LPP: variants seen among roughly 807,000 people sequenced by gnomAD.
LPP encodes the protein LIM domain containing preferred translocation partner in lipoma.
A neutral mutation model predicts 60.4 loss-of-function variants in LPP; 38 were observed. The ratio of observed to expected loss-of-function variants is 0.63; its 90% confidence interval spans 0.49 to 0.83. The LOEUF (loss-of-function observed/expected upper bound fraction) is 0.83, where lower values mean the gene tolerates loss of function less well. LPP is among the 40% of genes least tolerant of loss of function. LPP has a pLI of 0.00. For missense variants in LPP, 902 were observed against 783.6 expected (o/e 1.15, Z -1.80); for synonymous variants, 328 against 290.8 (o/e 1.13, Z -1.30).
chr3:188,345,798 T>C (rs1045722769), intron 3 of LPP, among the ~76,000 whole-genome samples: 2 of 152,160 alleles, frequency 1.3e-5, no homozygotes, highest in Admixed American at 1.3e-4. Context: ...ACCCATCCGA[T>C]AGAAGGTGCT....
At chr3:188,457,815 A>C (rs893084199) in intron 4 of LPP, among the ~76,000 whole-genome samples, 1 of 151,294 alleles carries the variant, frequency 6.6e-6, no homozygotes, top group East Asian at 1.9e-4. Context: ...AGGCTGAGGC[A>C]GGAGAATCGC....
At chr3:188,306,969 C>T (rs1005502325) in intron 2 of LPP, among the ~76,000 whole-genome samples, 2 of 152,146 alleles carry the variant, frequency 1.3e-5, no homozygotes, top group African/African-American at 4.8e-5. Context: ...AAACAGAACC[C>T]GTCTAAGGAC....
chr3:188,447,150 G>A (rs1357435073), intron 4 of LPP, among the ~76,000 whole-genome samples: 1 of 152,140 alleles, frequency 6.6e-6, no homozygotes, highest in Non-Finnish European at 1.5e-5. Context: ...TTTACCTGGA[G>A]GGAGTTTTAT....
At chr3:188,567,015 A>G (rs1420194031) in intron 6 of LPP, among the ~76,000 whole-genome samples, 1 of 151,932 alleles carries the variant, frequency 6.6e-6, no homozygotes, top group Non-Finnish European at 1.5e-5. Flanking sequence ...AAAAACTTGA[A>G]GAGTTTAAAA....
chr3:188,808,422 A>G (rs1483045370), intron 9 of LPP, among the ~76,000 whole-genome samples: 2 of 152,068 alleles, frequency 1.3e-5, no homozygotes, highest in African/African-American at 2.4e-5. Context: ...TGTTTCAGTG[A>G]TCCTGCCTCT....
chr3:188,263,727 A>G (rs1157565055), intron 2 of LPP, among the ~76,000 whole-genome samples: 2 of 152,236 alleles, frequency 1.3e-5, no homozygotes, highest in Non-Finnish European at 2.9e-5. Context: ...TTCTTAGCTC[A>G]TTTAATAAGT....
chr3:188,498,733 A>C (rs1248815206), intron 5 of LPP, among the ~76,000 whole-genome samples: 1 of 152,172 alleles, frequency 6.6e-6, no homozygotes, highest in African/African-American at 2.4e-5. Context: ...AGGAACATTC[A>C]TACCATTTTC....
intron 2 of LPP, among the ~76,000 whole-genome samples, chr3:188,340,854 A>ATAATG: frequency 6.6e-6 from 1 of 152,334 alleles, no homozygotes; most frequent in East Asian, 1.9e-4. Flanking sequence ...TAATGTGCTT[A>ATAATG]TAATGTTATC....
At chr3:188,532,718 C>T (rs978888145) in intron 6 of LPP, among the ~76,000 whole-genome samples, 2 of 152,274 alleles carry the variant, frequency 1.3e-5, no homozygotes, top group African/African-American at 2.4e-5. Context: ...AGGGTAACTA[C>T]ACTCCATTCC....
intron 9 of LPP, among the ~76,000 whole-genome samples, chr3:188,799,125 A>G (rs560414585): frequency 4.2e-4 from 64 of 152,368 alleles, no homozygotes; most frequent in African/African-American, 1.5e-3. Flanking sequence ...TGGAGCAAGA[A>G]CATTCCAATT....
At chr3:188,789,646 C>T (rs937844181) in intron 9 of LPP, among the ~76,000 whole-genome samples, 2 of 126,244 alleles carry the variant, frequency 1.6e-5, no homozygotes, top group African/African-American at 6.0e-5. Flanking sequence ...AGTTGGAAAC[C>T]AGCTCACTTA....
At chr3:188,738,731 T>A (rs1424239800) in intron 8 of LPP, among the ~76,000 whole-genome samples, 1 of 152,176 alleles carries the variant, frequency 6.6e-6, no homozygotes, top group African/African-American at 2.4e-5. Context: ...TGGTGCTATG[T>A]GTATTTGATT....
At position 188,551,574 on chromosome 3, in the gene LPP, CA is replaced by C. The variant is rs1466650390; in HGVS notation, c.429+26788del. ...CCCATCTGTAAAATATGGACCTTCT[CA>C]TAGGGAACTTACGTTTTAGTAGGGA... On this transcript the variant is annotated intron_variant, in intron 6 of 11. Transcript: ENST00000617246. Among the ~76,000 whole-genome samples the C allele has an allele frequency of 2.0e-5, 3 of 152,242 alleles. No individual in the cohort carries two copies. In the East Asian group the frequency reaches 5.8e-4, roughly 29 times the overall value.
chr3:188,813,390 T>C (rs1751611052), intron 9 of LPP, among the ~76,000 whole-genome samples: 1 of 152,224 alleles, frequency 6.6e-6, no homozygotes, highest in Admixed American at 6.5e-5. Context: ...TAATCATCAG[T>C]AATCTGTTAA....
chr3:188,174,607 C>A (rs1203577997), intron 1 of LPP, among the ~76,000 whole-genome samples: 1 of 152,130 alleles, frequency 6.6e-6, no homozygotes, highest in Non-Finnish European at 1.5e-5. Flanking sequence ...GACATAAATA[C>A]CCTGTATATC....
chr3:188,546,245 T>C (rs369019577), intron 6 of LPP, among the ~76,000 whole-genome samples: 1 of 152,330 alleles, frequency 6.6e-6, no homozygotes, highest in South Asian at 2.1e-4. Context: ...CTGGATCCCA[T>C]ACTTTTCACC....
chr3:188,459,157 C>G (rs1034477477), intron 4 of LPP, among the ~76,000 whole-genome samples: 1 of 151,998 alleles, frequency 6.6e-6, no homozygotes, highest in African/African-American at 2.4e-5. Flanking sequence ...CTGAAATAGG[C>G]CCAAGTTTAT....
intron 4 of LPP, among the ~76,000 whole-genome samples, chr3:188,421,026 AC>A (rs1236237213): frequency 1.3e-5 from 2 of 151,958 alleles, no homozygotes; most frequent in East Asian, 1.9e-4. Flanking sequence ...GTACCCCCTC[AC>A]CCCCCATTTT....
chr3:188,393,294 G>A (rs751072955), intron 3 of LPP, among the ~76,000 whole-genome samples: 12 of 151,962 alleles, frequency 7.9e-5, no homozygotes, highest in Non-Finnish European at 1.5e-4. Flanking sequence ...CTTTTCTCCC[G>A]AAGATTCATT....
Sources: gnomAD v4.1 joint callset for allele counts (sites outside exome capture counted in the v4.1 genomes callset) on GRCh38, gnomAD v4.1.1 for gene constraint, MANE v1.5 for transcripts, NCBI Gene and HGNC (gene_info 2026-07-23, HGNC 2026-07-21) for gene names.